KIF1B: variants seen among roughly 807,000 people sequenced by gnomAD.
KIF1B encodes the protein kinesin family member 1B.
In KIF1B, 76 loss-of-function variants were observed where a neutral mutation model predicts 241.9. The ratio of observed to expected loss-of-function variants is 0.31; its 90% CI spans 0.26 to 0.38. KIF1B has a LOEUF of 0.38. KIF1B is among the 10% of genes least tolerant of loss of function. KIF1B has a pLI of 1.00. For missense variants in KIF1B, 1,622 were observed against 2,271.4 expected (o/e 0.71, Z 5.81); for synonymous variants, 750 against 796.7 (o/e 0.94, Z 0.99).
rs1203691983 is a variant in KIF1B, at chr1:10,232,353, G to T, written c.25G>T (p.Ala9Ser). Reference protein sequence around the residue: MSGASVKVAVRVRPFNSRE... With the variant: MSGASVKVSVRVRPFNSRE... ...AATGTCGGGAGCCTCAGTGAAGGTG[G>T]CTGTCCGGGTAAGGCCCTTCAATTC... The change falls in exon 2 of 49, where the codon GCT (alanine) becomes TCT (serine). Residue 9 changes from alanine (A) to serine (S), a missense_variant. By Grantham distance (99) the Ala-to-Ser change is moderately conservative. Around this residue, in one of 7 missense-constraint regions of KIF1B, gnomAD observed 156 missense variants for 244.8 expected, o/e 0.64. Transcript: ENST00000676179. 1 of 1,613,596 alleles carries T rather than the reference G, an allele frequency of 6.2e-7. No individual in the cohort carries two copies. Among genetic ancestry groups the T allele is most frequent in the Non-Finnish European group, 8.5e-7 (1 of 1,179,782 alleles).
At chr1:10,289,073 TTAC>T (rs1238519484) in intron 15 of KIF1B, among the ~76,000 whole-genome samples, 2 of 152,252 alleles carry the variant, frequency 1.3e-5, no homozygotes, top group East Asian at 3.8e-4. Context: ...ACTAGCATCA[TTAC>T]TATATTTCAT....
intron 11 of KIF1B, 54 bp downstream of exon 11, chr1:10,275,557 G>A (rs1302503896): frequency 6.1e-6 from 6 of 977,054 alleles, no homozygotes; most frequent in East Asian, 2.4e-5. Flanking sequence ...ATTATCTTTT[G>A]TGGTTAATTG....
At chr1:10,338,868 G>A (rs562252432) in intron 31 of KIF1B, among the ~76,000 whole-genome samples, 5 of 152,328 alleles carry the variant, frequency 3.3e-5, no homozygotes, top group African/African-American at 1.2e-4. Context: ...GGAGCACTTG[G>A]CAAAAGCATG....
At chr1:10,307,429 C>A in intron 22 of KIF1B, 1 of 433,646 alleles carries the variant, frequency 2.3e-6, no homozygotes. Context: ...CCTGTCTCAG[C>A]CTCCTGGGTA....
chr1:10,252,535 C>A (rs1320080593), intron 2 of KIF1B, among the ~76,000 whole-genome samples: 3 of 151,700 alleles, frequency 2.0e-5, no homozygotes, highest in Admixed American at 1.3e-4. Flanking sequence ...CCTAAGCCCC[C>A]TGAGTAGCTG....
intron 37 of KIF1B, 124 bp from the exon 38 acceptor site, chr1:10,352,507 T>G: frequency 1.3e-6 from 1 of 782,644 alleles, no homozygotes; most frequent in Non-Finnish European, 2.2e-6. Flanking sequence ...ACCCTACAGG[T>G]AACCAAATGA....
intron 2 of KIF1B, among the ~76,000 whole-genome samples, chr1:10,234,528 CTT>C (rs1011723253): frequency 8.2e-6 from 1 of 122,570 alleles, no homozygotes; most frequent in African/African-American, 3.0e-5. Context: ...TTTGTTTTTT[CTT>C]TTTTTTTTTG....
intron 22 of KIF1B, 110 bp downstream of exon 22, chr1:10,297,356 A>G (rs1230384710): frequency 3.3e-5 from 30 of 899,008 alleles, no homozygotes; most frequent in Non-Finnish European, 4.5e-5. Context: ...CAATGATACC[A>G]AGCACTATTC....
At position 10,376,608 on chromosome 1, in the gene KIF1B, C is replaced by T; in HGVS notation, c.*21C>T. 1 of 1,612,544 alleles carries T rather than the reference C, an allele frequency of 6.2e-7. No homozygotes were observed. Among genetic ancestry groups the T allele is most frequent in the African/African-American group, 1.3e-5 (1 of 75,008 alleles). ...ACTAAGTGACTCTGCCGAGTGCCCT[C>T]ACTCGCCTTCGAGAGATAAAGAAAG... On this transcript the variant is annotated 3_prime_UTR_variant, in exon 49 of 49. Coordinates refer to ENST00000676179, the MANE Select transcript of KIF1B (RefSeq NM_001365951.3).
intron 2 of KIF1B, among the ~76,000 whole-genome samples, chr1:10,244,874 A>G (rs1250741424): frequency 6.6e-6 from 1 of 151,914 alleles, no homozygotes; most frequent in Non-Finnish European, 1.5e-5. Context: ...GGCCTCCCAA[A>G]GGACTGGGAT....
At chr1:10,369,159 A>C (rs1231772022) in intron 44 of KIF1B, among the ~76,000 whole-genome samples, 3 of 152,118 alleles carry the variant, frequency 2.0e-5, no homozygotes, top group Non-Finnish European at 4.4e-5. Context: ...GAAACTTTCT[A>C]CCTACACCTC....
chr1:10,226,258 T>C (rs1646907080), intron 1 of KIF1B, among the ~76,000 whole-genome samples: 1 of 151,644 alleles, frequency 6.6e-6, no homozygotes. Context: ...AAAGAGCTGG[T>C]ATTGTTTTGG....
rs956755763 is a variant in KIF1B at position 10,379,828 on chromosome 1, C to T, written c.*3241C>T. 1.7e-5 allele frequency: 4 copies of T among 229,874 alleles called. No homozygotes were observed. The highest frequency in any genetic ancestry group is 3.4e-5 in the Non-Finnish European group (4 of 116,062). 14.2% of individuals were successfully genotyped at this position (229,874 alleles called of 1,614,324 possible). On this transcript the variant is annotated 3_prime_UTR_variant, in exon 49 of 49. Coordinates refer to ENST00000676179, the MANE Select transcript of KIF1B (RefSeq NM_001365951.3). ...GTGTGCCCTCCTGGGAGTCAGTCAGCGCTCAGGCCAGGACTGTGCAGGGCC... is the reference window on the plus strand; with the variant it reads ...GTGTGCCCTCCTGGGAGTCAGTCAGTGCTCAGGCCAGGACTGTGCAGGGCC...
chr1:10,368,545 A>C lies in KIF1B; in HGVS notation c.4824+7A>C. ...CAGCGTCAGTGACTGTAAGGTGAGC[A>C]CATTGACTGTAATTTTTAGCCAGTA... On this transcript the variant is annotated splice_region_variant and intron_variant, in intron 44 of 48. Transcript: ENST00000676179. The C allele has an allele frequency of 1.2e-6, 2 of 1,610,888 alleles. No individual in the cohort carries two copies. Among genetic ancestry groups the C allele is most frequent in the Middle Eastern group, 3.3e-4 (2 of 6,058 alleles).
chr1:10,212,937 C>G (rs950881109), intron 1 of KIF1B, among the ~76,000 whole-genome samples: 93 of 140,476 alleles, frequency 6.6e-4, no homozygotes, highest in African/African-American at 2.3e-3. Flanking sequence ...TATATACACA[C>G]ACACATTTAA....
At chr1:10,269,530 C>A (rs571392033) in intron 7 of KIF1B, among the ~76,000 whole-genome samples, 4,108 of 140,286 alleles carry the variant, frequency 0.029, 208 homozygotes, top group African/African-American at 0.1. Context: ...AAAAAAAAAA[C>A]ACACTCCTAC....
At chr1:10,235,047 A>G (rs928694210) in intron 2 of KIF1B, among the ~76,000 whole-genome samples, 1 of 151,358 alleles carries the variant, frequency 6.6e-6, no homozygotes, top group African/African-American at 2.4e-5. Context: ...CTGTCACCAC[A>G]CCTGGCTAAT....
chr1:10,334,705 G>C, intron 28 of KIF1B, 67 bp downstream of exon 28: 1 of 1,239,264 alleles, frequency 8.1e-7, no homozygotes, highest in Non-Finnish European at 1.2e-6. Context: ...GGCTGATTCT[G>C]CGTGGGTCAC....
chr1:10,259,935 C>A (rs1422414382), intron 4 of KIF1B, among the ~76,000 whole-genome samples: 3 of 151,490 alleles, frequency 2.0e-5, no homozygotes, highest in Non-Finnish European at 4.4e-5. Flanking sequence ...AGGCATGAGC[C>A]ACTGTGCGGG....
Sources: allele counts gnomAD v4.1 joint callset (sites outside exome capture counted in the v4.1 genomes callset), GRCh38; gene constraint gnomAD v4.1.1; regional missense constraint gnomAD v4.1.1; transcripts MANE v1.5; gene names NCBI Gene and HGNC (gene_info 2026-07-23, HGNC 2026-07-21).